TEX2: variants seen among roughly 807,000 people sequenced by gnomAD.
The protein encoded by TEX2 is testis expressed 2.
Under a neutral mutation model 106.9 loss-of-function variants are expected in TEX2, and 53 were observed. That is an observed-to-expected ratio of 0.50 (90% CI 0.40 to 0.62). The LOEUF (loss-of-function observed/expected upper bound fraction) is 0.62, where lower values mean the gene tolerates loss of function less well. Ranked by LOEUF, TEX2 falls within the 20% of genes least tolerant of loss-of-function variation. TEX2 has a pLI of 0.00. For synonymous variants in TEX2, 523 were observed against 534.8 expected (o/e 0.98, Z 0.30); for missense variants, 1,207 against 1,379.0 (o/e 0.88, Z 1.98).
At position 64,148,973 on chromosome 17, in the gene TEX2, G is replaced by A. The variant is rs867853445; in HGVS notation, c.3380C>T (p.Pro1127Leu). 6.2e-7 allele frequency: 1 copy of A among 1,614,154 alleles called. No individual in the cohort carries two copies. The change falls in exon 12 of 12, where the codon CCA becomes CTA. Residue 1127 changes from proline (P) to leucine (L), a missense_variant. Physicochemically the swap from Pro to Leu is moderately conservative, Grantham distance 98 (BLOSUM62 -3). Transcript: ENST00000584379. ...KDPPVEAADQ[P>L] ...GGGAACATCTGACATCACCCATCAT[G>A]GCTGATCAGCAGCCTCCACAGGTGG...
chr17:64,153,875 TG>T lies in TEX2; in HGVS notation c.2931-722del, dbSNP rs536630049. On this transcript the variant is annotated intron_variant, in intron 9 of 11. Coordinates refer to ENST00000584379, the MANE Select transcript of TEX2 (RefSeq NM_001288732.2). The surrounding 1 kb of genome is among the most constrained non-coding windows in gnomAD (Gnocchi z 4.1). ...TGAGCCCAGGAGGTTGAGGCTGCAT[TG>T]AGCTATGATCGTGCCACTGCACTCC... Among the ~76,000 whole-genome samples, 234 of 152,308 alleles carry T rather than the reference TG, an allele frequency of 1.5e-3. 1 individual carries two copies. The highest frequency in any genetic ancestry group is 5.4e-3 in the African/African-American group (224 of 41,560).
chr17:64,160,760 G>A (rs2143657531), intron 8 of TEX2, 41 bp downstream of exon 8: 1 of 1,607,220 alleles, frequency 6.2e-7, no homozygotes, highest in Non-Finnish European at 8.5e-7. Flanking sequence ...AGAAGCTGGT[G>A]CCCCAGGATT....
At position 64,178,487 on chromosome 17, in the gene TEX2, T is replaced by C. The variant is rs1325490666; in HGVS notation, c.2425-1016A>G. ...GAAAGACAGGAACTTTACTTCCATT[T>C]TAGAAATGAGTGCAGCGCCTGACAC... On this transcript the variant is annotated intron_variant, in intron 5 of 11. Transcript: ENST00000584379. 3.3e-5 allele frequency among the ~76,000 whole-genome samples: 5 copies of C among 152,278 alleles called. No individual in the cohort carries two copies. The East Asian group carries it at 9.7e-4, about 29-fold the overall frequency.
chr17:64,200,452 C>A (rs909595633), intron 2 of TEX2, among the ~76,000 whole-genome samples: 5 of 152,216 alleles, frequency 3.3e-5, no homozygotes, highest in Non-Finnish European at 7.3e-5. Context: ...GCAACCTGAG[C>A]TACCACCTTA....
rs143534736 is a variant in TEX2, at chr17:64,217,841, G to C, written c.-25-3599C>G. 1.3e-5 allele frequency among the ~76,000 whole-genome samples: 2 copies of C among 152,324 alleles called. No homozygotes were observed. The highest frequency in any genetic ancestry group is 4.8e-5 in the African/African-American group (2 of 41,582). Reference sequence around the variant, plus strand: ...ACCCCCCAAGCCTTGTGATGGGAAGGAGAGCTGTAGCTCATGTTGTCGCCA... The same window carrying C: ...ACCCCCCAAGCCTTGTGATGGGAAGCAGAGCTGTAGCTCATGTTGTCGCCA... On this transcript the variant is annotated intron_variant, in intron 1 of 11. Transcript: ENST00000584379. This position sits in a 1 kb window ranked among gnomAD's most constrained non-coding sequence, Gnocchi z 4.3.
chr17:64,242,425 C>G (rs1056108953), intron 1 of TEX2: 8 of 152,072 alleles, frequency 5.3e-5, no homozygotes, highest in African/African-American at 1.9e-4. Flanking sequence ...AATCCAGTTG[C>G]TGTAACAAAG....
chr17:64,193,998 A>T (rs2032385428), intron 3 of TEX2, 109 bp from the exon 4 acceptor site: 1 of 658,116 alleles, frequency 1.5e-6, no homozygotes, highest in East Asian at 3.3e-5. Flanking sequence ...GACTAAAATG[A>T]TGAATATGAA....
At chr17:64,194,869 A>G (rs370882009) in intron 3 of TEX2, 26 bp downstream of exon 3, 3 of 1,609,838 alleles carry the variant, frequency 1.9e-6, no homozygotes, top group Non-Finnish European at 2.6e-6. Flanking sequence ...CATCTAAGCT[A>G]TCCTTCCAAA....
chr17:64,225,094 T>C (rs1165036631), intron 1 of TEX2, among the ~76,000 whole-genome samples: 1 of 151,898 alleles, frequency 6.6e-6, no homozygotes. Flanking sequence ...AGTCTGGGAA[T>C]AACTTTTTTT....
chr17:64,254,010 C>G (rs2034139722), intron 1 of TEX2, among the ~76,000 whole-genome samples: 1 of 152,120 alleles, frequency 6.6e-6, no homozygotes, highest in South Asian at 2.1e-4. Context: ...GCCTCTAAAC[C>G]CTCCTGGCAG....
Position 64,213,729 on chromosome 17 carries a change from TG to T in TEX2, c.488del (p.Pro163HisfsTer27). The T allele has an allele frequency of 6.2e-7, 1 of 1,613,792 alleles. No individual in the cohort carries two copies. The highest frequency in any genetic ancestry group is 1.1e-5 in the South Asian group (1 of 91,062). ...TGGGAGACTTAGAAGGAGAGGACAA[TG>T]GGGAGGAAGAACTGGTTTTCTGCTC... ...LSEQKTSSSS[P>X]LSSPSKSPIL... On this transcript the variant is annotated frameshift_variant, in exon 2 of 12. Transcript: ENST00000584379. LOFTEE classifies it high-confidence loss of function. This position sits in a 1 kb window ranked among gnomAD's most constrained non-coding sequence, Gnocchi z 4.4.
At chr17:64,202,790 A>G (rs1282147814) in intron 2 of TEX2, among the ~76,000 whole-genome samples, 1 of 152,228 alleles carries the variant, frequency 6.6e-6, no homozygotes, top group Admixed American at 6.5e-5. Context: ...GATGCTCTCA[A>G]CCCACACTAA....
At chr17:64,168,263 G>A (rs2031230102) in intron 7 of TEX2, among the ~76,000 whole-genome samples, 1 of 152,122 alleles carries the variant, frequency 6.6e-6, no homozygotes, top group South Asian at 2.1e-4. Flanking sequence ...GGTCATTTCT[G>A]TTTTATCATC....
chr17:64,193,173 C>T (rs2037955946), intron 4 of TEX2, among the ~76,000 whole-genome samples: 1 of 152,208 alleles, frequency 6.6e-6, no homozygotes, highest in African/African-American at 2.4e-5. Context: ...CTATGGCAAG[C>T]TCAGGCTCGG....
chr17:64,150,853 C>T lies in TEX2; in HGVS notation c.3249G>A (p.Glu1083=), dbSNP rs771344453. The T allele has an allele frequency of 5.0e-6, 8 of 1,613,214 alleles. No homozygotes were observed. The South Asian group carries it at 8.8e-5, about 18-fold the overall frequency. The part of the protein sequence containing the change: ...HVTDWIEKKL[E]QEFQKVFVMP... ...ACTAGAGGTTTACCTGAAACTCTTG[C>T]TCCAGTTTCTTCTCTATCCAGTCTG... Residue 1083 remains glutamate (E), a synonymous_variant, in exon 11 of 12, where the codon GAG becomes GAA. Transcript: ENST00000584379.
rs1245998907 is a variant in TEX2 at position 64,182,888 on chromosome 17, G to A, written c.2424+5280C>T. Among the ~76,000 whole-genome samples, 4 of 150,502 alleles carry A rather than the reference G, an allele frequency of 2.7e-5. No homozygotes were observed. The East Asian group carries it at 5.8e-4, about 22-fold the overall frequency. On this transcript the variant is annotated intron_variant, in intron 5 of 11. Transcript: ENST00000584379. ...CACTCACCAGTTAATGGAAATATGG[G>A]TTGTTTGCCACTTTTGTTGTGTTTT... is the stretch of plus-strand genomic sequence containing the variant.
chr17:64,168,625 C>T (rs977133564), intron 7 of TEX2, among the ~76,000 whole-genome samples: 2 of 152,188 alleles, frequency 1.3e-5, no homozygotes, highest in African/African-American at 4.8e-5. Context: ...CTGCTCCCCT[C>T]TCCTCGGAAA....
intron 1 of TEX2, among the ~76,000 whole-genome samples, chr17:64,236,464 T>G (rs2033770232): frequency 6.6e-6 from 1 of 152,154 alleles, no homozygotes; most frequent in African/African-American, 2.4e-5. Flanking sequence ...ACCTGGAGGC[T>G]GAGTGGGGAG....
rs540541490 is a variant in TEX2 at position 64,243,053 on chromosome 17, C to A, written c.-26+20115G>T. ...AAGCGATTCTTCTGCCTCCGCCTCC[C>A]GAGTAGCTGGGACTACAGGCGCACA... is the stretch of plus-strand genomic sequence containing the variant. On this transcript the variant is annotated intron_variant, in intron 1 of 11. Transcript: ENST00000584379. 1.1e-3 allele frequency among the ~76,000 whole-genome samples: 173 copies of A among 152,190 alleles called. 1 individual carries two copies. Among genetic ancestry groups the A allele is most frequent in the African/African-American group, 3.9e-3 (163 of 41,518 alleles).
Sources: gnomAD v4.1 joint callset for allele counts (sites outside exome capture counted in the v4.1 genomes callset) on GRCh38, gnomAD v4.1.1 for gene constraint, Gnocchi (gnomAD v3.1) non-coding constraint, MANE v1.5 for transcripts, NCBI Gene and HGNC (gene_info 2026-07-23, HGNC 2026-07-21) for gene names.